The following ZNF264 variants were observed in gnomAD, a reference collection of about 807,000 sequenced individuals.
The protein encoded by ZNF264 is zinc finger protein 264.
Under a neutral mutation model 11.2 loss-of-function variants are expected in ZNF264, and 11 were observed. The ratio of observed to expected loss-of-function variants is 0.98; its 90% CI spans 0.62 to 1.63. The LOEUF (loss-of-function observed/expected upper bound fraction) is 1.63, where lower values mean the gene tolerates loss of function less well. Among genes scored for constraint, ZNF264 ranks in the 40% most tolerant of loss-of-function variants. The pLI is 0.00. For missense variants in ZNF264, 752 were observed against 768.1 expected (o/e 0.98, Z 0.25); for synonymous variants, 309 against 279.8 (o/e 1.10, Z -1.04).
chr19:57,210,431 A>G (rs1251672325), intron 3 of ZNF264, among the ~76,000 whole-genome samples: 1 of 152,198 alleles, frequency 6.6e-6, no homozygotes, highest in East Asian at 1.9e-4. Context: ...AGTTACAGTC[A>G]TGTTTATTAC....
chr19:57,212,964 C>T lies in ZNF264; in HGVS notation c.1867C>T (p.Gln623Ter). 1 of 1,608,650 alleles carries T rather than the reference C, an allele frequency of 6.2e-7. No individual in the cohort carries two copies. The highest frequency in any genetic ancestry group is 8.5e-7 in the Non-Finnish European group (1 of 1,176,440). Residue 623 changes from glutamine to a stop codon, truncating the protein, a stop_gained, in exon 4 of 4, where the codon CAA becomes TAA. Transcript: ENST00000263095. LOFTEE classifies it high-confidence loss of function. ...TCAACCATACCAAAGAGAAACCCCACAAGTGTCTTCACTGTGAGAAAACCT... is the reference window on the plus strand; with the variant it reads ...TCAACCATACCAAAGAGAAACCCCATAAGTGTCTTCACTGTGAGAAAACCT... The part of the protein sequence containing the change: ...SDQPYQRETP[Q>*]VSSL
rs144632393 is a variant in ZNF264 at position 57,212,580 on chromosome 19, A to G, written c.1483A>G (p.Met495Val). The G allele has an allele frequency of 1.2e-6, 2 of 1,614,058 alleles. No homozygotes were observed. The highest frequency in any genetic ancestry group is 8.5e-7 in the Non-Finnish European group (1 of 1,180,048). The change falls in exon 4 of 4, where the codon ATG becomes GTG. Residue 495 changes from methionine (M) to valine (V), a missense_variant. Transcript: ENST00000263095. ...CVECGKAFTR[M>V]SGLTRHKRIH... is the part of the protein sequence containing the mutation. ...GGAGTGTGGAAAGGCCTTCACCCGCATGTCGGGCCTCACGAGGCACAAGCG... is the reference window on the plus strand; with the variant it reads ...GGAGTGTGGAAAGGCCTTCACCCGCGTGTCGGGCCTCACGAGGCACAAGCG...
intron 3 of ZNF264, among the ~76,000 whole-genome samples, chr19:57,206,793 A>G (rs973345269): frequency 6.7e-5 from 10 of 148,858 alleles, no homozygotes; most frequent in Non-Finnish European, 1.0e-4. Flanking sequence ...CTGAGTGTCA[A>G]TCAGACACTA....
In ZNF264 at chr19:57,193,944, C is replaced by G; in HGVS notation, c.103C>G (p.Gln35Glu). The change falls in exon 2 of 4, where the codon CAG becomes GAG. Residue 35 changes from glutamine (Q) to glutamate (E), a missense_variant. Gln to Glu is a conservative substitution (Grantham distance 29). Coordinates refer to ENST00000263095, the MANE Select transcript of ZNF264 (RefSeq NM_003417.5). ...GGAGTGGGGGCAGCTGGACCTAGCT[C>G]AGCGGACCCTGTACCAGGAGGTGAT... ...KEEWGQLDLA[Q>E]RTLYQEVMLE... is the part of the protein sequence containing the mutation. 6.2e-7 allele frequency: 1 copy of G among 1,614,002 alleles called. No individual in the cohort carries two copies. Among genetic ancestry groups the G allele is most frequent in the Non-Finnish European group, 8.5e-7 (1 of 1,179,928 alleles).
chr19:57,195,835 T>C (rs1259434270), intron 2 of ZNF264, among the ~76,000 whole-genome samples: 3 of 151,786 alleles, frequency 2.0e-5, no homozygotes. Flanking sequence ...TTGTGTCTCC[T>C]GGTGGCAGCA....
intron 3 of ZNF264, among the ~76,000 whole-genome samples, chr19:57,207,545 C>CTTTTTTTTTTT (rs757880568): frequency 3.3e-4 from 34 of 103,100 alleles, no homozygotes; most frequent in African/African-American, 5.5e-4. Context: ...TTTTTCTTTT[C>CTTTTTTTTTTT]TTTTTTTTTT....
chr19:57,193,530 G>T (rs1266964462), intron 1 of ZNF264: 1 of 985,278 alleles, frequency 1.0e-6, no homozygotes, highest in Admixed American at 6.1e-5. Context: ...AGCTGGACCA[G>T]TGAGACTCAG....
Position 57,215,302 on chromosome 19 carries a change from A to G in ZNF264, c.*2321A>G, listed in dbSNP as rs891695795. The G allele has an allele frequency of 1.3e-5, 2 of 152,186 alleles. No individual in the cohort carries two copies. The highest frequency in any genetic ancestry group is 4.8e-5 in the African/African-American group (2 of 41,448). 9.4% of individuals were successfully genotyped at this position (152,186 alleles called of 1,614,324 possible). On this transcript the variant is annotated 3_prime_UTR_variant, in exon 4 of 4. Coordinates refer to ENST00000263095, the MANE Select transcript of ZNF264 (RefSeq NM_003417.5). ...TAAATTTTGATAGTCTGTCCTGTTGAAGGAATATTTCATCTGTATTTGTAG... is the reference window on the plus strand; with the variant it reads ...TAAATTTTGATAGTCTGTCCTGTTGGAGGAATATTTCATCTGTATTTGTAG...
At chr19:57,209,919 G>C (rs536141954) in intron 3 of ZNF264, among the ~76,000 whole-genome samples, 1 of 152,004 alleles carries the variant, frequency 6.6e-6, no homozygotes, top group Non-Finnish European at 1.5e-5. Flanking sequence ...ATACACAGCA[G>C]CCTGGCCATT....
chr19:57,202,315 C>A (rs925922641), intron 2 of ZNF264, among the ~76,000 whole-genome samples: 2 of 151,848 alleles, frequency 1.3e-5, no homozygotes, highest in African/African-American at 4.9e-5. Flanking sequence ...ATTTACAATT[C>A]GTGAAAGAAG....
intron 2 of ZNF264, among the ~76,000 whole-genome samples, chr19:57,202,319 A>C (rs146408015): frequency 1.3e-5 from 2 of 152,094 alleles, no homozygotes; most frequent in Non-Finnish European, 2.9e-5. Flanking sequence ...ACAATTCGTG[A>C]AAGAAGAGGG....
intron 2 of ZNF264, among the ~76,000 whole-genome samples, chr19:57,202,270 C>G (rs2087258807): frequency 6.6e-6 from 1 of 151,728 alleles, no homozygotes; most frequent in South Asian, 2.1e-4. Context: ...AGTGATGACA[C>G]AGAGAGGTTA....
At chr19:57,194,518 A>G (rs2087198184) in intron 2 of ZNF264, among the ~76,000 whole-genome samples, 1 of 152,256 alleles carries the variant, frequency 6.6e-6, no homozygotes, top group African/African-American at 2.4e-5. Flanking sequence ...GCTGTCTGCA[A>G]GCTGAGGAGC....
intron 2 of ZNF264, among the ~76,000 whole-genome samples, chr19:57,203,809 G>A (rs969768834): frequency 6.6e-6 from 1 of 152,114 alleles, no homozygotes; most frequent in African/African-American, 2.4e-5. Flanking sequence ...CCCACTCTGT[G>A]GTGCTAGTAA....
Position 57,213,960 on chromosome 19 carries a change from TTTTG to T in ZNF264, c.*985_*988del, listed in dbSNP as rs2087360831. 6.6e-6 allele frequency: 1 copy of T among 152,152 alleles called. No homozygotes were observed. Among genetic ancestry groups the T allele is most frequent in the South Asian group, 2.1e-4 (1 of 4,834 alleles). The allele number at this position is 152,152 out of a possible 1,614,324, so 9.4% of individuals were successfully genotyped here. ...TTAGAATTTGCATCCTAGGGTGCTT[TTTTG>T]TTTGTGTGTGTGTGTAATTTGAGTG... On this transcript the variant is annotated 3_prime_UTR_variant, in exon 4 of 4. Transcript: ENST00000263095.
At chr19:57,194,939 G>T (rs2122733922) in intron 2 of ZNF264, 1 of 395,132 alleles carries the variant, frequency 2.5e-6, no homozygotes, top group Non-Finnish European at 4.5e-6. Context: ...AAGGCTCAGA[G>T]AAATGAAATG....
intron 1 of ZNF264, chr19:57,192,657 C>T (rs1480445812): frequency 3.9e-6 from 3 of 767,270 alleles, no homozygotes; most frequent in East Asian, 2.6e-4. Flanking sequence ...CTGTCGTTCC[C>T]CAAGTAGATG....
rs1555763398 is a variant in ZNF264 at position 57,191,910 on chromosome 19, C to G, written c.-4C>G. 1 of 1,506,878 alleles carries G rather than the reference C, an allele frequency of 6.6e-7. No homozygotes were observed. The highest frequency in any genetic ancestry group is 1.3e-5 in the South Asian group (1 of 79,436). 93.3% of individuals were successfully genotyped at this position (1,506,878 alleles called of 1,614,324 possible). A position where few individuals can be genotyped will look rare whatever the true frequency, so the allele number is the denominator to read the frequency against. On this transcript the variant is annotated 5_prime_UTR_variant, in exon 1 of 4. Coordinates refer to ENST00000263095, the MANE Select transcript of ZNF264 (RefSeq NM_003417.5). ...CCCAGCTCTGCGGCCCAGGGGGTGA[C>G]GTGATGGCGGCAGCGGTGCTGACGG... is the stretch of plus-strand genomic sequence containing the variant.
Position 57,211,787 on chromosome 19 carries a change from C to T in ZNF264, c.690C>T (p.Pro230=). The change falls in exon 4 of 4, where the codon CCC becomes CCT. Residue 230 remains proline, a synonymous_variant. Transcript: ENST00000263095. The part of the protein sequence containing the change: ...GHEKIHSGVK[P]YECTECGKTF... ...AGAAAATTCACTCTGGAGTTAAGCCCTATGAATGCACAGAATGTGGGAAAA... is the reference window on the plus strand; with the variant it reads ...AGAAAATTCACTCTGGAGTTAAGCCTTATGAATGCACAGAATGTGGGAAAA... The T allele has an allele frequency of 1.2e-6, 2 of 1,614,222 alleles. No individual in the cohort carries two copies. The highest frequency in any genetic ancestry group is 1.7e-6 in the Non-Finnish European group (2 of 1,180,040).
Sources: allele counts gnomAD v4.1 joint callset (sites outside exome capture counted in the v4.1 genomes callset), GRCh38; gene constraint gnomAD v4.1.1; transcripts MANE v1.5; gene names NCBI Gene and HGNC (gene_info 2026-07-23, HGNC 2026-07-21).